PKDCC: variants seen among roughly 807,000 people sequenced by gnomAD.
PKDCC encodes the protein protein kinase domain containing, cytoplasmic, also known as extracellular tyrosine-protein kinase PKDCC.
In PKDCC, 35 loss-of-function variants were observed where a neutral mutation model predicts 44.7. The ratio of observed to expected loss-of-function variants is 0.78; its 90% confidence interval spans 0.60 to 1.04. The LOEUF (loss-of-function observed/expected upper bound fraction) is 1.04. Ranked by LOEUF, PKDCC falls within the 50% of genes least tolerant of loss-of-function variation. The pLI is 0.00. For missense variants in PKDCC, 738 were observed against 672.7 expected (o/e 1.10, Z -1.07); for synonymous variants, 353 against 303.3 (o/e 1.16, Z -1.70).
rs1558430627 is a variant in PKDCC at position 42,048,822 on chromosome 2, A to AC, written c.627dup (p.Asn210GlnfsTer89). On this transcript the variant is annotated frameshift_variant, in exon 1 of 7. Coordinates refer to ENST00000294964, the MANE Select transcript of PKDCC (RefSeq NM_138370.3). LOFTEE classifies it high-confidence loss of function. This position sits in a 1 kb window ranked among gnomAD's most constrained non-coding sequence, Gnocchi z 6.2. ...ATGGTGCTGCTGGAGCGGCTGCGGC[A>AC]CCCCAACGTGCTGCAGGTACGAGGG... 6.1e-6 allele frequency: 9 copies of AC among 1,466,842 alleles called. No homozygotes were observed. Among genetic ancestry groups the AC allele is most frequent in the Non-Finnish European group, 8.2e-6 (9 of 1,100,348 alleles). 90.9% of individuals were successfully genotyped at this position (1,466,842 alleles called of 1,614,324 possible). A position where few individuals can be genotyped will look rare whatever the true frequency, so the allele number is the denominator to read the frequency against.
intron 2 of PKDCC, 61 bp downstream of exon 2, chr2:42,053,422 G>T (rs528702645): frequency 6.5e-7 from 1 of 1,540,254 alleles, no homozygotes; most frequent in East Asian, 2.3e-5. Context: ...GCCTTAGAAG[G>T]CCAGCCCTCC....
At position 42,055,693 on chromosome 2, in the gene PKDCC, T is replaced by G. The variant is rs1301363754; in HGVS notation, c.1222+300T>G. On this transcript the variant is annotated intron_variant, in intron 5 of 6. Coordinates refer to ENST00000294964, the MANE Select transcript of PKDCC (RefSeq NM_138370.3). This position sits in a 1 kb window ranked among gnomAD's most constrained non-coding sequence, Gnocchi z 4.5. The stretch of plus-strand genomic sequence containing the variant: ...TATATGACTTTGAGCAAGTTACCCC[T>G]TGAACCTCACTTTCCTCATCTGTGA... The G allele has an allele frequency of 3.3e-6, 1 of 306,330 alleles. No homozygotes were observed. Among genetic ancestry groups the G allele is most frequent in the Non-Finnish European group, 6.1e-6 (1 of 164,366 alleles). 19.0% of individuals were successfully genotyped at this position (306,330 alleles called of 1,614,324 possible). A position where few individuals can be genotyped will look rare whatever the true frequency, so the allele number is the denominator to read the frequency against.
intron 1 of PKDCC, among the ~76,000 whole-genome samples, chr2:42,049,089 G>A (rs1399415598): frequency 6.6e-6 from 1 of 152,144 alleles, no homozygotes; most frequent in Non-Finnish European, 1.5e-5. Context: ...CCAGGACAGA[G>A]GCTCCCAAAA....
rs78119664 is a variant in PKDCC at position 42,055,651 on chromosome 2, C to G, written c.1222+258C>G. The G allele has an allele frequency of 8.5e-6, 4 of 471,078 alleles. No individual in the cohort carries two copies. In the East Asian group the frequency reaches 1.5e-4, roughly 17 times the overall value. 29.2% of individuals were successfully genotyped at this position (471,078 alleles called of 1,614,324 possible). A position where few individuals can be genotyped will look rare whatever the true frequency, so the allele number is the denominator to read the frequency against. On this transcript the variant is annotated intron_variant, in intron 5 of 6. Coordinates refer to ENST00000294964, the MANE Select transcript of PKDCC (RefSeq NM_138370.3). This position sits in a 1 kb window ranked among gnomAD's most constrained non-coding sequence, Gnocchi z 4.5. ...TACCCCTACTCTGGATGGCTCCAAA[C>G]CCTATCATGTACTGGCTATATGACT...
At position 42,048,195 on chromosome 2, in the gene PKDCC, G is replaced by A; in HGVS notation, c.-5G>A. On this transcript the variant is annotated 5_prime_UTR_variant, in exon 1 of 7. Coordinates refer to ENST00000294964, the MANE Select transcript of PKDCC (RefSeq NM_138370.3). This position sits in a 1 kb window ranked among gnomAD's most constrained non-coding sequence, Gnocchi z 6.2. ...CGGGGCCGGCCGGCCGGGGGGAGGG[G>A]AGCGATGCGGCGCCGGCGGGCGGCA... 1 of 1,151,638 alleles carries A rather than the reference G, an allele frequency of 8.7e-7. No homozygotes were observed. Among genetic ancestry groups the A allele is most frequent in the Non-Finnish European group, 1.1e-6 (1 of 933,638 alleles). The allele number at this position is 1,151,638 out of a possible 1,614,324, so 71.3% of individuals were successfully genotyped here.
chr2:42,054,567 C>T lies in PKDCC; in HGVS notation c.1034+260C>T. On this transcript the variant is annotated intron_variant, in intron 3 of 6. Transcript: ENST00000294964. This position sits in a 1 kb window ranked among gnomAD's most constrained non-coding sequence, Gnocchi z 6.1. Reference sequence around the variant, plus strand: ...ATAGTGTTGGACTCGGAGCCTAGGGCTGGTGGAACTGGCACTTTTCCCTTC... The same window carrying T: ...ATAGTGTTGGACTCGGAGCCTAGGGTTGGTGGAACTGGCACTTTTCCCTTC... 1.8e-6 allele frequency: 1 copy of T among 557,470 alleles called. No individual in the cohort carries two copies. Among genetic ancestry groups the T allele is most frequent in the Non-Finnish European group, 3.2e-6 (1 of 316,046 alleles). The allele number at this position is 557,470 out of a possible 1,614,324, so 34.5% of individuals were successfully genotyped here.
At position 42,048,167 on chromosome 2, in the gene PKDCC, G is replaced by C. The variant is rs1667894291; in HGVS notation, c.-33G>C. ...CGCCCGGGGCCGGGGCCGGGGAGCC[G>C]CGCGGGGCCGGCCGGCCGGGGGGAG... On this transcript the variant is annotated 5_prime_UTR_variant, in exon 1 of 7. Transcript: ENST00000294964. The surrounding 1 kb of genome is among the most constrained non-coding windows in gnomAD (Gnocchi z 6.2). 9.6e-7 allele frequency: 1 copy of C among 1,044,874 alleles called. No homozygotes were observed. The highest frequency in any genetic ancestry group is 1.1e-6 in the Non-Finnish European group (1 of 874,504). The allele number at this position is 1,044,874 out of a possible 1,614,324, so 64.7% of individuals were successfully genotyped here.
rs1263760457 is a variant in PKDCC at position 42,058,417 on chromosome 2, G to C, written c.*729G>C. 6.6e-6 allele frequency: 1 copy of C among 152,554 alleles called. No homozygotes were observed. Among genetic ancestry groups the C allele is most frequent in the Non-Finnish European group, 1.5e-5 (1 of 68,024 alleles). 9.5% of individuals were successfully genotyped at this position (152,554 alleles called of 1,614,324 possible). On this transcript the variant is annotated 3_prime_UTR_variant, in exon 7 of 7. Transcript: ENST00000294964. This position sits in a 1 kb window ranked among gnomAD's most constrained non-coding sequence, Gnocchi z 4.2. ...AAACCAGGCTTTCCCCCTTCCTCGA[G>C]TTTGAATATCCAGAATCTTTTGTAC...
Position 42,048,768 on chromosome 2 carries a change from G to C in PKDCC, c.569G>C (p.Arg190Pro). Residue 190 changes from arginine to proline, a missense_variant, in exon 1 of 7, where the codon CGG becomes CCG. By Grantham distance (103) the Arg-to-Pro change is moderately radical. Coordinates refer to ENST00000294964, the MANE Select transcript of PKDCC (RefSeq NM_138370.3). The surrounding 1 kb of genome is among the most constrained non-coding windows in gnomAD (Gnocchi z 6.2). ...REFGVRRGCY[R>P]LAAHKLLKEM... ...TTCGGGGTACGGAGGGGCTGCTATC[G>C]GCTGGCGGCCCACAAGCTGCTTAAG... The C allele has an allele frequency of 6.4e-7, 1 of 1,561,814 alleles. No individual in the cohort carries two copies. Among genetic ancestry groups the C allele is most frequent in the Non-Finnish European group, 8.7e-7 (1 of 1,154,974 alleles).
chr2:42,055,478 C>A lies in PKDCC; in HGVS notation c.1222+85C>A. On this transcript the variant is annotated intron_variant, in intron 5 of 6. Coordinates refer to ENST00000294964, the MANE Select transcript of PKDCC (RefSeq NM_138370.3). This position sits in a 1 kb window ranked among gnomAD's most constrained non-coding sequence, Gnocchi z 4.5. ...CCGCCCAATTAGGCTAAGTGGCTCACCCTTTCTCTGGGGACCCTTGTCTCC... is the reference window on the plus strand; with the variant it reads ...CCGCCCAATTAGGCTAAGTGGCTCAACCTTTCTCTGGGGACCCTTGTCTCC... 1 of 1,241,020 alleles carries A rather than the reference C, an allele frequency of 8.1e-7. No individual in the cohort carries two copies. Among genetic ancestry groups the A allele is most frequent in the Non-Finnish European group, 1.1e-6 (1 of 873,794 alleles). The allele number at this position is 1,241,020 out of a possible 1,614,324, so 76.9% of individuals were successfully genotyped here.
Position 42,048,362 on chromosome 2 carries a change from G to A in PKDCC, c.163G>A (p.Glu55Lys), listed in dbSNP as rs1667904439. The A allele has an allele frequency of 2.6e-6, 3 of 1,165,954 alleles. No individual in the cohort carries two copies. The highest frequency in any genetic ancestry group is 3.2e-6 in the Non-Finnish European group (3 of 946,422). 72.2% of individuals were successfully genotyped at this position (1,165,954 alleles called of 1,614,324 possible). A position where few individuals can be genotyped will look rare whatever the true frequency, so the allele number is the denominator to read the frequency against. ...PGPGRRGGRG[E>K]LARQIRARYE... ...TCCGGGCCGTCGCGGGGGCCGCGGG[G>A]AGCTGGCCCGGCAGATCCGGGCGCG... Residue 55 changes from glutamate (E) to lysine (K), a missense_variant, in exon 1 of 7, where the codon GAG (glutamate) becomes AAG (lysine). Glu to Lys is a moderately conservative substitution (Grantham distance 56). Transcript: ENST00000294964. This position sits in a 1 kb window ranked among gnomAD's most constrained non-coding sequence, Gnocchi z 6.2.
rs1267105974 is a variant in PKDCC at position 42,048,125 on chromosome 2, C to T, written c.-75C>T. The T allele has an allele frequency of 1.0e-5, 9 of 867,386 alleles. No homozygotes were observed. Among genetic ancestry groups the T allele is most frequent in the Non-Finnish European group, 1.2e-5 (9 of 729,860 alleles). 53.7% of individuals were successfully genotyped at this position (867,386 alleles called of 1,614,324 possible). ...GGGCCGGCGGGGCGCAGAGCGGAGC[C>T]GCCTCGGAGCCTGAGCCGCCCGGGG... On this transcript the variant is annotated 5_prime_UTR_variant, in exon 1 of 7. Coordinates refer to ENST00000294964, the MANE Select transcript of PKDCC (RefSeq NM_138370.3). The surrounding 1 kb of genome is among the most constrained non-coding windows in gnomAD (Gnocchi z 6.2).
intron 1 of PKDCC, among the ~76,000 whole-genome samples, chr2:42,049,145 G>A (rs1382204474): frequency 6.6e-6 from 1 of 152,184 alleles, no homozygotes; most frequent in Non-Finnish European, 1.5e-5. Flanking sequence ...TCTACTCCGG[G>A]CTGGAGTTAG....
chr2:42,055,167 C>T lies in PKDCC; in HGVS notation c.1115-119C>T. The T allele has an allele frequency of 7.8e-7, 1 of 1,274,198 alleles. No homozygotes were observed. The highest frequency in any genetic ancestry group is 1.1e-6 in the Non-Finnish European group (1 of 897,268). 78.9% of individuals were successfully genotyped at this position (1,274,198 alleles called of 1,614,324 possible). A position where few individuals can be genotyped will look rare whatever the true frequency, so the allele number is the denominator to read the frequency against. On this transcript the variant is annotated intron_variant, in intron 4 of 6. Coordinates refer to ENST00000294964, the MANE Select transcript of PKDCC (RefSeq NM_138370.3). This position sits in a 1 kb window ranked among gnomAD's most constrained non-coding sequence, Gnocchi z 4.5. ...CATTCTGCCGCAACCTCCCCGCTCC[C>T]CCGCCCTCTGTTCACTGGGGCACAG... is the stretch of plus-strand genomic sequence containing the variant.
chr2:42,054,455 A>C lies in PKDCC; in HGVS notation c.1034+148A>C, dbSNP rs112549233. 6.6e-5 allele frequency: 63 copies of C among 948,816 alleles called. 3 individuals are homozygous for C. In the African/African-American group the frequency reaches 7.0e-4, roughly 11 times the overall value. 58.8% of individuals were successfully genotyped at this position (948,816 alleles called of 1,614,324 possible). On this transcript the variant is annotated intron_variant, in intron 3 of 6. Coordinates refer to ENST00000294964, the MANE Select transcript of PKDCC (RefSeq NM_138370.3). This position sits in a 1 kb window ranked among gnomAD's most constrained non-coding sequence, Gnocchi z 6.1. ...AAGGCTTCTACCCTGTCCAGAAGGGAACATTCAGGCCTCTGATGGAGAGGC... is the reference window on the plus strand; with the variant it reads ...AAGGCTTCTACCCTGTCCAGAAGGGCACATTCAGGCCTCTGATGGAGAGGC...
intron 1 of PKDCC, among the ~76,000 whole-genome samples, chr2:42,050,785 G>A (rs942121213): frequency 9.9e-5 from 15 of 151,948 alleles, no homozygotes; most frequent in Non-Finnish European, 1.8e-4. Flanking sequence ...GAAAAGTGGG[G>A]GGCCCTTTAG....
At position 42,051,732 on chromosome 2, in the gene PKDCC, C is replaced by T. The variant is rs576737382; in HGVS notation, c.640-1507C>T. 6.6e-6 allele frequency among the ~76,000 whole-genome samples: 1 copy of T among 152,176 alleles called. No homozygotes were observed. The highest frequency in any genetic ancestry group is 2.4e-5 in the African/African-American group (1 of 41,508). Reference sequence around the variant, plus strand: ...TGGAGAGAGAAGAGGGTGCCTGGAGCTGCCCTGGCCCCCCAAGTCACAGCC... The same window carrying T: ...TGGAGAGAGAAGAGGGTGCCTGGAGTTGCCCTGGCCCCCCAAGTCACAGCC... On this transcript the variant is annotated intron_variant, in intron 1 of 6. Coordinates refer to ENST00000294964, the MANE Select transcript of PKDCC (RefSeq NM_138370.3). The surrounding 1 kb of genome is among the most constrained non-coding windows in gnomAD (Gnocchi z 4.2).
Position 42,048,625 on chromosome 2 carries a change from G to T in PKDCC, c.426G>T (p.Gln142His). ...CAALRNVSGA[Q>H]YMGSGYTKAV... ...CGCTTCGCAACGTGTCCGGCGCGCAGTACATGGGCTCAGGCTACACCAAGG... is the reference window on the plus strand; with the variant it reads ...CGCTTCGCAACGTGTCCGGCGCGCATTACATGGGCTCAGGCTACACCAAGG... Residue 142 changes from glutamine (Q) to histidine (H), a missense_variant, in exon 1 of 7, where the codon CAG becomes CAT. Transcript: ENST00000294964. This position sits in a 1 kb window ranked among gnomAD's most constrained non-coding sequence, Gnocchi z 6.2. 6.5e-7 allele frequency: 1 copy of T among 1,539,938 alleles called. No individual in the cohort carries two copies.
chr2:42,056,289 C>T (rs1457701374), intron 5 of PKDCC, among the ~76,000 whole-genome samples: 2 of 152,134 alleles, frequency 1.3e-5, no homozygotes, highest in Non-Finnish European at 2.9e-5. Flanking sequence ...AACAAGAGGC[C>T]AGCAGCTGAG....
Sources: allele counts gnomAD v4.1 joint callset (sites outside exome capture counted in the v4.1 genomes callset), GRCh38; gene constraint gnomAD v4.1.1; non-coding constraint Gnocchi (gnomAD v3.1); transcripts MANE v1.5; gene names NCBI Gene and HGNC (gene_info 2026-07-23, HGNC 2026-07-21).